HCN1: variants seen among roughly 807,000 people sequenced by gnomAD.
HCN1 encodes hyperpolarization activated cyclic nucleotide gated potassium channel 1.
In HCN1, 13 loss-of-function variants were observed where a neutral mutation model predicts 78.9. The observed-to-expected ratio is 0.16, with a 90% confidence interval of 0.11 to 0.26. HCN1 has a LOEUF of 0.26. HCN1 is among the 10% of genes least tolerant of loss of function. The pLI, the probability that HCN1 is intolerant of heterozygous loss-of-function variation, is 1.00. For synonymous variants in HCN1, 552 were observed against 455.5 expected (o/e 1.21, Z -2.70); for missense variants, 810 against 1,154.3 (o/e 0.70, Z 4.32).
intron 2 of HCN1, among the ~76,000 whole-genome samples, chr5:45,492,511 GTTTTTTTGTTT>G (rs1741907593): frequency 1.0e-5 from 1 of 99,304 alleles, no homozygotes; most frequent in Admixed American, 1.0e-4. Flanking sequence ...ACCAGCAACA[GTTTTTTTGTTT>G]TTTTTTTTTT....
chr5:45,546,059 T>C (rs943834911), intron 2 of HCN1, among the ~76,000 whole-genome samples: 3 of 152,094 alleles, frequency 2.0e-5, no homozygotes, highest in African/African-American at 7.2e-5. Context: ...TATCTACATT[T>C]GTAACTTCAC....
chr5:45,660,597 G>C (rs990557160), intron 1 of HCN1, among the ~76,000 whole-genome samples: 1 of 152,072 alleles, frequency 6.6e-6, no homozygotes, highest in African/African-American at 2.4e-5. Context: ...CAAAATAAAA[G>C]CATGGAAGAA....
chr5:45,285,510 G>A (rs989251155), intron 6 of HCN1, among the ~76,000 whole-genome samples: 1 of 151,738 alleles, frequency 6.6e-6, no homozygotes, highest in African/African-American at 2.4e-5. Flanking sequence ...AATCTCATTT[G>A]GATTTATTAA....
At chr5:45,398,210 T>G (rs1229837835) in intron 3 of HCN1, among the ~76,000 whole-genome samples, 1 of 152,044 alleles carries the variant, frequency 6.6e-6, no homozygotes, top group Non-Finnish European at 1.5e-5. Flanking sequence ...TTGAATTTAG[T>G]TTTTATATCT....
chr5:45,361,047 T>C (rs1399594637), intron 4 of HCN1, among the ~76,000 whole-genome samples: 2 of 152,116 alleles, frequency 1.3e-5, no homozygotes, highest in African/African-American at 4.8e-5. Context: ...TATTTTATTT[T>C]ATTTGTTTTT....
At chr5:45,434,093 T>C (rs530663967) in intron 3 of HCN1, among the ~76,000 whole-genome samples, 1 of 152,342 alleles carries the variant, frequency 6.6e-6, no homozygotes, top group South Asian at 2.1e-4. Context: ...ACAGGTGATT[T>C]AATAGCTCAA....
At chr5:45,410,457 T>A (rs1218238621) in intron 3 of HCN1, among the ~76,000 whole-genome samples, 2 of 152,068 alleles carry the variant, frequency 1.3e-5, no homozygotes, top group Admixed American at 1.3e-4. Flanking sequence ...TAGAGAACCA[T>A]TCTCCTATGC....
chr5:45,316,041 G>A (rs918555691), intron 5 of HCN1, among the ~76,000 whole-genome samples: 3 of 152,156 alleles, frequency 2.0e-5, no homozygotes, highest in Admixed American at 6.5e-5. Flanking sequence ...TAGATAAAGA[G>A]GGAATCCTAC....
intron 1 of HCN1, among the ~76,000 whole-genome samples, chr5:45,682,290 C>T (rs200447988): frequency 0.12 from 6,182 of 52,640 alleles, 321 homozygotes; most frequent in African/African-American, 0.3. Context: ...TATATATATA[C>T]ACATATATAT....
intron 1 of HCN1, among the ~76,000 whole-genome samples, chr5:45,672,428 C>T (rs1045622956): frequency 2.6e-5 from 4 of 151,330 alleles, no homozygotes; most frequent in African/African-American, 7.3e-5. Flanking sequence ...TGCCACTTGT[C>T]TACGTTAAGT....
intron 5 of HCN1, among the ~76,000 whole-genome samples, chr5:45,309,221 T>A (rs913667229): frequency 6.6e-6 from 1 of 152,152 alleles, no homozygotes; most frequent in Non-Finnish European, 1.5e-5. Flanking sequence ...TGATTTTGTA[T>A]CCTGAGACTT....
In HCN1 at chr5:45,454,501, A is replaced by T. The variant is rs201018145; in HGVS notation, c.1011+7345T>A. Among the ~76,000 whole-genome samples, 5 of 150,144 alleles carry T rather than the reference A, an allele frequency of 3.3e-5. No homozygotes were observed. The South Asian group carries it at 6.3e-4, about 19-fold the overall frequency. On this transcript the variant is annotated intron_variant, in intron 3 of 7. Coordinates refer to ENST00000303230, the MANE Select transcript of HCN1 (RefSeq NM_021072.4). The stretch of plus-strand genomic sequence containing the variant: ...GTCTTAAAAAAAAATAAAAAAAAAT[A>T]AAAAAAAATAAAATCTTTCTGTTAT...
intron 2 of HCN1, among the ~76,000 whole-genome samples, chr5:45,578,074 G>A (rs1050535108): frequency 3.3e-5 from 5 of 152,098 alleles, no homozygotes; most frequent in Middle Eastern, 6.8e-3. Flanking sequence ...AAACAACTGA[G>A]AGGAAGGATA....
At chr5:45,321,554 G>GA (rs200482010) in intron 5 of HCN1, among the ~76,000 whole-genome samples, 43 of 151,090 alleles carry the variant, frequency 2.8e-4, no homozygotes, top group South Asian at 4.2e-4. Flanking sequence ...ATTTCAAAAT[G>GA]AAAAAAAAGA....
chr5:45,366,020 G>T (rs1350751296), intron 4 of HCN1, among the ~76,000 whole-genome samples: 1 of 151,762 alleles, frequency 6.6e-6, no homozygotes, highest in Non-Finnish European at 1.5e-5. Flanking sequence ...TAAATCTAGA[G>T]ATACTATTTC....
chr5:45,591,963 T>C (rs751971490), intron 2 of HCN1, among the ~76,000 whole-genome samples: 5 of 152,170 alleles, frequency 3.3e-5, no homozygotes, highest in African/African-American at 4.8e-5. Flanking sequence ...TTAATTTTCA[T>C]GAAGAGTGTA....
rs1337764830 is a variant in HCN1 at position 45,353,161 on chromosome 5, T to A, written c.1316A>T (p.Tyr439Phe). The A allele has an allele frequency of 6.2e-7, 1 of 1,611,190 alleles. No homozygotes were observed. The highest frequency in any genetic ancestry group is 1.3e-5 in the African/African-American group (1 of 74,956). The change falls in exon 5 of 8, where the codon TAC (tyrosine) becomes TTC (phenylalanine). Residue 439 changes from tyrosine to phenylalanine, a missense_variant. Physicochemically the swap from Tyr to Phe is conservative, Grantham distance 22. Transcript: ENST00000303230. ...TTCCTCATCAAAGATTTTGCCTTGG[T>A]ATCTGTGTTCATAGTAATCATGTAT... ...QKIHDYYEHR[Y>F]QGKIFDEENI...
At chr5:45,617,580 T>G (rs1384701501) in intron 2 of HCN1, among the ~76,000 whole-genome samples, 1 of 152,122 alleles carries the variant, frequency 6.6e-6, no homozygotes, top group African/African-American at 2.4e-5. Context: ...TTCCCACTTT[T>G]TAGGTAGAGT....
chr5:45,685,877 AT>A (rs1739799260), intron 1 of HCN1, among the ~76,000 whole-genome samples: 1 of 152,090 alleles, frequency 6.6e-6, no homozygotes, highest in Admixed American at 6.6e-5. Context: ...TCCTTCATAT[AT>A]TTTTTTCTTC....
Sources: allele counts gnomAD v4.1 joint callset (sites outside exome capture counted in the v4.1 genomes callset), GRCh38; gene constraint gnomAD v4.1.1; transcripts MANE v1.5; gene names NCBI Gene and HGNC (gene_info 2026-07-23, HGNC 2026-07-21).